Variants in GAREM1 observed in about 807,000 individuals in gnomAD.
GAREM1 encodes GRB2 associated regulator of MAPK1 subtype 1.
Under a neutral mutation model 71.3 loss-of-function variants are expected in GAREM1, and 26 were observed. That is an observed-to-expected ratio of 0.36 (90% CI 0.27 to 0.51). The LOEUF (loss-of-function observed/expected upper bound fraction) is 0.51, where lower values mean the gene tolerates loss of function less well. GAREM1 is among the 20% of genes least tolerant of loss of function. GAREM1 has a pLI of 0.95. For missense variants in GAREM1, 1,026 were observed against 1,103.1 expected (o/e 0.93, Z 0.99); for synonymous variants, 440 against 433.2 (o/e 1.02, Z -0.20).
rs2041365446 is a variant in GAREM1 at position 32,265,794 on chromosome 18, G to C, written c.*2077C>G. 1 of 152,232 alleles carries C rather than the reference G, an allele frequency of 6.6e-6. No individual in the cohort carries two copies. Among genetic ancestry groups the C allele is most frequent in the Non-Finnish European group, 1.5e-5 (1 of 68,048 alleles). The allele number at this position is 152,232 out of a possible 1,614,324, so 9.4% of individuals were successfully genotyped here. ...CCCTGTTCCTTCTTCCTGAGTTTGA[G>C]AATTGTGTCCGAGTGCTAAGTATTT... is the stretch of plus-strand genomic sequence containing the variant. On this transcript the variant is annotated 3_prime_UTR_variant, in exon 6 of 6. Transcript: ENST00000269209.
chr18:32,270,214 T>TA lies in GAREM1; in HGVS notation c.1733+2dup, dbSNP rs2041437392. 1 of 1,613,548 alleles carries TA rather than the reference T, an allele frequency of 6.2e-7. No homozygotes were observed. Among genetic ancestry groups the TA allele is most frequent in the Non-Finnish European group, 8.5e-7 (1 of 1,179,870 alleles). On this transcript the variant is annotated splice_region_variant and intron_variant, in intron 5 of 5. Transcript: ENST00000269209. Reference sequence around the variant, plus strand: ...TGCAGTGGGACCTGGCAGGAAGACTTACATGTTGTGTAGCCCTGAAGAATA... The same window carrying TA: ...TGCAGTGGGACCTGGCAGGAAGACTTAACATGTTGTGTAGCCCTGAAGAATA...
intron 4 of GAREM1, among the ~76,000 whole-genome samples, chr18:32,280,435 CT>C (rs998431687): frequency 3.9e-5 from 6 of 152,148 alleles, no homozygotes; most frequent in Non-Finnish European, 7.3e-5. Context: ...CACTTCTCAC[CT>C]TTGATATTTC....
At chr18:32,328,305 A>C (rs961941341) in intron 2 of GAREM1, among the ~76,000 whole-genome samples, 2 of 152,240 alleles carry the variant, frequency 1.3e-5, no homozygotes, top group Non-Finnish European at 2.9e-5. Flanking sequence ...TAATTATTAA[A>C]TACAAAATGA....
At chr18:32,344,550 C>T (rs753924142) in intron 2 of GAREM1, among the ~76,000 whole-genome samples, 3 of 151,942 alleles carry the variant, frequency 2.0e-5, no homozygotes, top group Non-Finnish European at 4.4e-5. Flanking sequence ...GCTCACTATG[C>T]TGAGTATATA....
intron 1 of GAREM1, among the ~76,000 whole-genome samples, chr18:32,399,744 T>C (rs1200798140): frequency 1.3e-5 from 2 of 152,188 alleles, no homozygotes; most frequent in Non-Finnish European, 2.9e-5. Flanking sequence ...ATGGCCATAC[T>C]GCCCAAGGTA....
chr18:32,314,472 G>T (rs563317675), intron 2 of GAREM1, among the ~76,000 whole-genome samples: 4 of 152,262 alleles, frequency 2.6e-5, no homozygotes, highest in Non-Finnish European at 5.9e-5. Flanking sequence ...CCGCCATGAG[G>T]ATTAAATGAT....
chr18:32,445,113 C>A (rs1331634283), intron 1 of GAREM1, among the ~76,000 whole-genome samples: 1 of 152,052 alleles, frequency 6.6e-6, no homozygotes, highest in Non-Finnish European at 1.5e-5. Context: ...GTCCCATCAG[C>A]AACTCAAAGT....
At chr18:32,467,764 T>C (rs2049012289) in intron 1 of GAREM1, among the ~76,000 whole-genome samples, 1 of 152,124 alleles carries the variant, frequency 6.6e-6, no homozygotes, top group Admixed American at 6.5e-5. Context: ...TGTCTAAGTA[T>C]AGGGTGGGCG....
chr18:32,402,095 T>C (rs1481370255), intron 1 of GAREM1, among the ~76,000 whole-genome samples: 2 of 152,216 alleles, frequency 1.3e-5, no homozygotes, highest in South Asian at 2.1e-4. Context: ...AGAGACATTA[T>C]ACTAAATGAA....
chr18:32,269,315 T>C (rs2041423193), intron 5 of GAREM1, among the ~76,000 whole-genome samples: 1 of 152,176 alleles, frequency 6.6e-6, no homozygotes, highest in Non-Finnish European at 1.5e-5. Flanking sequence ...AGCGCAAAGA[T>C]TTAAATGTCC....
intron 1 of GAREM1, among the ~76,000 whole-genome samples, chr18:32,400,293 C>T (rs2144669810): frequency 1.3e-5 from 2 of 152,296 alleles, no homozygotes; most frequent in Middle Eastern, 3.4e-3. Context: ...ACACCAAAAG[C>T]AATGGCAACT....
At chr18:32,274,059 GCA>G (rs2041504050) in intron 4 of GAREM1, among the ~76,000 whole-genome samples, 1 of 152,138 alleles carries the variant, frequency 6.6e-6, no homozygotes, top group Non-Finnish European at 1.5e-5. Flanking sequence ...CGGCAGGTGG[GCA>G]CAGCTGAGGA....
chr18:32,286,011 A>C (rs1372144282), intron 4 of GAREM1, among the ~76,000 whole-genome samples: 1 of 152,166 alleles, frequency 6.6e-6, no homozygotes, highest in African/African-American at 2.4e-5. Flanking sequence ...GATTCATGTA[A>C]TTCTTTTAAA....
At chr18:32,269,481 CG>C (rs2041426152) in intron 5 of GAREM1, among the ~76,000 whole-genome samples, 2 of 151,960 alleles carry the variant, frequency 1.3e-5, no homozygotes, top group Admixed American at 1.3e-4. Flanking sequence ...ACAGTGATGT[CG>C]GGGAAACAGT....
rs550884422 is a variant in GAREM1, at chr18:32,444,384, CT to C, written c.121+25923del. On this transcript the variant is annotated intron_variant, in intron 1 of 5. Transcript: ENST00000269209. Reference sequence around the variant, plus strand: ...GTCCTGCTCTGCTTTTGCCCCCAGGCTTGCTTAAATGCCAATGGCTCTGTGA... The same window carrying C: ...GTCCTGCTCTGCTTTTGCCCCCAGGCTGCTTAAATGCCAATGGCTCTGTGA... 7.2e-5 allele frequency among the ~76,000 whole-genome samples: 11 copies of C among 152,268 alleles called. No homozygotes were observed. The East Asian group carries it at 1.7e-3, about 24-fold the overall frequency.
intron 3 of GAREM1, among the ~76,000 whole-genome samples, chr18:32,293,015 C>G (rs904460908): frequency 6.6e-6 from 1 of 151,922 alleles, no homozygotes; most frequent in Non-Finnish European, 1.5e-5. Flanking sequence ...GAAGGAGAGA[C>G]AGAAATACGG....
Position 32,392,915 on chromosome 18 carries a change from T to C in GAREM1, c.242A>G (p.Glu81Gly), listed in dbSNP as rs1335827863. ...CTTACCTGCATAATGTACCGGAATC[T>C]CTATCTTTGGCCCAATGACATAGTG... ...EGHYVIGPKI[E>G]IPVHYAGQFK... is the part of the protein sequence containing the mutation. Residue 81 changes from glutamate (E) to glycine (G), a missense_variant, in exon 2 of 6, where the codon GAG becomes GGG. Physicochemically the swap from Glu to Gly is moderately conservative, Grantham distance 98. This residue lies in a region of GAREM1 where 172 missense variants were observed against 175.2 expected (regional missense o/e 0.98). Transcript: ENST00000269209. 6.2e-7 allele frequency: 1 copy of C among 1,613,828 alleles called. No homozygotes were observed. The highest frequency in any genetic ancestry group is 1.3e-5 in the African/African-American group (1 of 75,016).
At chr18:32,406,668 G>A (rs114417197) in intron 1 of GAREM1, among the ~76,000 whole-genome samples, 1,964 of 152,268 alleles carry the variant, frequency 0.013, 54 homozygotes, top group African/African-American at 0.045. Context: ...ACTTTTAAGA[G>A]GGAGAAATGA....
chr18:32,280,083 T>C (rs1394957343), intron 4 of GAREM1, among the ~76,000 whole-genome samples: 1 of 152,184 alleles, frequency 6.6e-6, no homozygotes, highest in Non-Finnish European at 1.5e-5. Flanking sequence ...CCTGAGTATA[T>C]CTTTTTGTAG....
Sources: gnomAD v4.1 joint callset for allele counts (sites outside exome capture counted in the v4.1 genomes callset) on GRCh38, gnomAD v4.1.1 for gene constraint, gnomAD v4.1.1 regional missense constraint, MANE v1.5 for transcripts, NCBI Gene and HGNC (gene_info 2026-07-23, HGNC 2026-07-21) for gene names.